PVT1: variants seen among roughly 807,000 people sequenced by gnomAD.
PVT1 encodes the protein CXCR4/PVT1 fusion.
intron 2 of PVT1, among the ~76,000 whole-genome samples, chr8:127,821,204 C>T (rs1436091986): frequency 6.6e-6 from 1 of 152,070 alleles, no homozygotes; most frequent in Non-Finnish European, 1.5e-5. Context: ...ACACTGAGGC[C>T]CAGGAAACTT....
chr8:128,095,738 A>C (rs528880142), intron 5 of PVT1, among the ~76,000 whole-genome samples: 2 of 152,370 alleles, frequency 1.3e-5, no homozygotes, highest in East Asian at 3.9e-4. Flanking sequence ...ACCCTGTCTG[A>C]GGATGATCAC....
intron 2 of PVT1, among the ~76,000 whole-genome samples, chr8:127,834,158 A>G (rs1235571174): frequency 6.6e-6 from 1 of 152,092 alleles, no homozygotes; most frequent in Non-Finnish European, 1.5e-5. Context: ...TTAAAACCTT[A>G]AACTTCAAAC....
At chr8:127,896,872 A>G (rs1486755206) in intron 3 of PVT1, among the ~76,000 whole-genome samples, 1 of 150,158 alleles carries the variant, frequency 6.7e-6, no homozygotes, top group East Asian at 2.0e-4. Context: ...ACACCTCTGA[A>G]TCTATTTGTT....
chr8:128,086,857 G>T (rs1814264754), intron 5 of PVT1, among the ~76,000 whole-genome samples: 1 of 152,192 alleles, frequency 6.6e-6, no homozygotes, highest in Non-Finnish European at 1.5e-5. Context: ...GAATTGTTGG[G>T]AGTGGTTTCT....
chr8:127,940,897 C>T (rs773555930), intron 3 of PVT1, among the ~76,000 whole-genome samples: 6 of 152,206 alleles, frequency 3.9e-5, no homozygotes, highest in East Asian at 3.8e-4. Flanking sequence ...CCACTATGTC[C>T]GGCTCACGTC....
chr8:127,947,973 G>A (rs199636530), intron 3 of PVT1: 37 of 452,102 alleles, frequency 8.2e-5, no homozygotes, highest in South Asian at 5.8e-4. Context: ...CTGTGCACAG[G>A]GGTCAAAGTT....
chr8:127,893,738 C>G (rs1815639809), intron 3 of PVT1, among the ~76,000 whole-genome samples: 1 of 152,106 alleles, frequency 6.6e-6, no homozygotes, highest in South Asian at 2.1e-4. Context: ...GCTTTTTGGG[C>G]CTTAGTACAT....
At chr8:127,876,679 C>T (rs1351236981) in intron 2 of PVT1, among the ~76,000 whole-genome samples, 2 of 152,122 alleles carry the variant, frequency 1.3e-5, no homozygotes, top group Admixed American at 6.5e-5. Flanking sequence ...TCTAAGCAGG[C>T]GGAGGAGGGA....
intron 4 of PVT1, among the ~76,000 whole-genome samples, chr8:128,057,648 C>T (rs1365885229): frequency 2.6e-5 from 4 of 152,218 alleles, no homozygotes; most frequent in African/African-American, 9.6e-5. Context: ...CTGCCTGTCT[C>T]TGTTCAGCCT....
chr8:127,800,501 G>A (rs1288865303), intron 2 of PVT1, among the ~76,000 whole-genome samples: 2 of 152,168 alleles, frequency 1.3e-5, no homozygotes, highest in African/African-American at 4.8e-5. Flanking sequence ...GTGCTTAGCA[G>A]AGGCTCCCAC....
At chr8:128,038,653 C>T (rs375346928) in intron 4 of PVT1, among the ~76,000 whole-genome samples, 1 of 152,172 alleles carries the variant, frequency 6.6e-6, no homozygotes, top group South Asian at 2.1e-4. Context: ...TGACAGGGCC[C>T]AGTTCCTGCT....
At chr8:127,889,937 T>C (rs958956664) in intron 2 of PVT1, among the ~76,000 whole-genome samples, 7 of 152,334 alleles carry the variant, frequency 4.6e-5, no homozygotes, top group Middle Eastern at 3.4e-3. Flanking sequence ...CAATTTGTTC[T>C]TCAGTTATCT....
chr8:127,888,274 G>C (rs1815551692), intron 2 of PVT1, among the ~76,000 whole-genome samples: 1 of 152,160 alleles, frequency 6.6e-6, no homozygotes, highest in Non-Finnish European at 1.5e-5. Flanking sequence ...GTACCTTACT[G>C]TTTCCTTCGT....
intron 3 of PVT1, among the ~76,000 whole-genome samples, chr8:127,984,440 A>T (rs1288194059): frequency 2.0e-5 from 3 of 152,190 alleles, no homozygotes; most frequent in Non-Finnish European, 4.4e-5. Flanking sequence ...TCTGTCCTGA[A>T]ACCTAATTTG....
chr8:127,880,340 G>A (rs1301858915), intron 2 of PVT1, among the ~76,000 whole-genome samples: 1 of 152,150 alleles, frequency 6.6e-6, no homozygotes, highest in Non-Finnish European at 1.5e-5. Flanking sequence ...CCCCAGGCTG[G>A]AGTGCAGTGG....
intron 3 of PVT1, among the ~76,000 whole-genome samples, chr8:127,949,373 C>T (rs1278688491): frequency 3.4e-5 from 2 of 59,602 alleles, no homozygotes; most frequent in Non-Finnish European, 9.2e-5. Context: ...GTTTGAACTC[C>T]AGGAGCTGTG....
At chr8:127,990,221 G>A (rs775738960) in intron 4 of PVT1, among the ~76,000 whole-genome samples, 24 of 152,068 alleles carry the variant, frequency 1.6e-4, no homozygotes, top group Middle Eastern at 3.2e-3. Flanking sequence ...GGACGGCAGC[G>A]GGCTAGTGAA....
intron 4 of PVT1, among the ~76,000 whole-genome samples, chr8:127,999,719 C>A (rs960788905): frequency 6.6e-6 from 1 of 152,226 alleles, no homozygotes; most frequent in African/African-American, 2.4e-5. Flanking sequence ...ACTTCAGCCT[C>A]CCGAAGTGCT....
intron 3 of PVT1, among the ~76,000 whole-genome samples, chr8:127,914,841 G>GAGTTTCCC (rs1815961998): frequency 7.3e-6 from 1 of 137,396 alleles, no homozygotes; most frequent in Non-Finnish European, 1.5e-5. Context: ...TTTTGAGACC[G>GAGTTTCCC]AGTTTCCCTC....
Sources: allele counts gnomAD v4.1 joint callset (sites outside exome capture counted in the v4.1 genomes callset), GRCh38; gene constraint gnomAD v4.1.1; transcripts MANE v1.5; gene names NCBI Gene and HGNC (gene_info 2026-07-23, HGNC 2026-07-21).